Variants in GRID2 observed in about 807,000 individuals in gnomAD.
GRID2 encodes glutamate receptor ionotropic, delta-2.
A neutral mutation model predicts 114.8 loss-of-function variants in GRID2; 33 were observed. The ratio of observed to expected loss-of-function variants is 0.29; its 90% confidence interval spans 0.22 to 0.38. The LOEUF (loss-of-function observed/expected upper bound fraction) is 0.38, where lower values mean the gene tolerates loss of function less well. Ranked by LOEUF, GRID2 falls within the 10% of genes least tolerant of loss-of-function variation. The pLI, the probability that GRID2 is intolerant of heterozygous loss-of-function variation, is 1.00. For synonymous variants in GRID2, 505 were observed against 449.9 expected, an observed-to-expected ratio of 1.12 and a Z score of -1.55; for missense variants, 1,184 against 1,257.7, an observed-to-expected ratio of 0.94 and a Z score of 0.89.
intron 4 of GRID2, among the ~76,000 whole-genome samples, chr4:93,195,135 C>A (rs1218508432): frequency 6.6e-6 from 1 of 152,104 alleles, no homozygotes; most frequent in Non-Finnish European, 1.5e-5. Flanking sequence ...AACTATAGGA[C>A]TACTCCCCTC....
At chr4:93,097,847 T>C (rs1731356425) in intron 3 of GRID2, among the ~76,000 whole-genome samples, 1 of 151,894 alleles carries the variant, frequency 6.6e-6, no homozygotes, top group African/African-American at 2.4e-5. Flanking sequence ...AAATGAGCCA[T>C]TTTCTGGAAT....
At chr4:93,111,432 G>A (rs947062987) in intron 4 of GRID2, among the ~76,000 whole-genome samples, 1 of 152,144 alleles carries the variant, frequency 6.6e-6, no homozygotes. Flanking sequence ...AAATAATTAA[G>A]TGTCTGAAAC....
intron 1 of GRID2, among the ~76,000 whole-genome samples, chr4:92,538,259 A>G (rs978051033): frequency 1.3e-5 from 2 of 152,192 alleles, no homozygotes; most frequent in Non-Finnish European, 2.9e-5. Flanking sequence ...AACCCTAACA[A>G]TTGTTCTCAT....
intron 2 of GRID2, among the ~76,000 whole-genome samples, chr4:92,675,587 G>A (rs1213679393): frequency 6.9e-6 from 1 of 145,932 alleles, no homozygotes; most frequent in South Asian, 2.2e-4. Flanking sequence ...GTCCTGCTCT[G>A]TCACCCAGGC....
chr4:93,216,444 C>T (rs776357919), intron 5 of GRID2, among the ~76,000 whole-genome samples: 2 of 152,038 alleles, frequency 1.3e-5, no homozygotes, highest in Non-Finnish European at 2.9e-5. Context: ...TATGTTTCTA[C>T]AATGTTCAAC....
intron 8 of GRID2, among the ~76,000 whole-genome samples, chr4:93,307,451 G>A (rs528111443): frequency 6.6e-6 from 1 of 151,638 alleles, no homozygotes; most frequent in East Asian, 1.9e-4. Context: ...ATGTATAGTA[G>A]CTCACAGCTC....
intron 1 of GRID2, among the ~76,000 whole-genome samples, chr4:92,533,182 G>T (rs912612286): frequency 1.8e-4 from 26 of 145,252 alleles, no homozygotes; most frequent in Middle Eastern, 3.7e-3. Context: ...CAACTTTGGT[G>T]TGTTTTTTTG....
intron 1 of GRID2, among the ~76,000 whole-genome samples, chr4:92,538,023 A>T (rs1725739361): frequency 6.6e-6 from 1 of 152,132 alleles, no homozygotes; most frequent in Admixed American, 6.5e-5. Context: ...AGAAGTAGTC[A>T]TTATGATTCT....
At chr4:93,595,599 A>G (rs1739000244) in intron 13 of GRID2, among the ~76,000 whole-genome samples, 1 of 152,154 alleles carries the variant, frequency 6.6e-6, no homozygotes, top group African/African-American at 2.4e-5. Context: ...TTGTGTTATA[A>G]TTTCTCTACC....
intron 2 of GRID2, among the ~76,000 whole-genome samples, chr4:92,829,174 C>A (rs1741931694): frequency 6.6e-6 from 1 of 152,130 alleles, no homozygotes; most frequent in Admixed American, 6.6e-5. Flanking sequence ...TTTAATCGAT[C>A]TTGAGTTAAT....
chr4:92,780,324 GTAAT>G (rs1446622683), intron 2 of GRID2, among the ~76,000 whole-genome samples: 1 of 152,002 alleles, frequency 6.6e-6, no homozygotes, highest in African/African-American at 2.4e-5. Context: ...ATGTATTTTA[GTAAT>G]TAATTCAACA....
chr4:93,253,681 C>T (rs1312461426), intron 8 of GRID2, among the ~76,000 whole-genome samples: 2 of 152,022 alleles, frequency 1.3e-5, no homozygotes, highest in Admixed American at 1.3e-4. Context: ...TCTGTAGTTT[C>T]CGTAAGAGCA....
intron 2 of GRID2, among the ~76,000 whole-genome samples, chr4:92,923,595 C>G (rs1031202890): frequency 6.6e-6 from 1 of 151,912 alleles, no homozygotes; most frequent in Non-Finnish European, 1.5e-5. Context: ...TTATAAAAGC[C>G]AACCAAAAAT....
chr4:93,726,746 A>G (rs891527343), intron 14 of GRID2, among the ~76,000 whole-genome samples: 1 of 152,126 alleles, frequency 6.6e-6, no homozygotes, highest in African/African-American at 2.4e-5. Context: ...TCTTTGAAGC[A>G]ATTGTGAATG....
chr4:93,080,035 A>G (rs1432666595), intron 2 of GRID2, among the ~76,000 whole-genome samples: 1 of 152,132 alleles, frequency 6.6e-6, no homozygotes, highest in Admixed American at 6.5e-5. Flanking sequence ...GTTCCAGATG[A>G]TTTTATTTCT....
At chr4:93,248,412 C>T (rs1460789727) in intron 8 of GRID2, among the ~76,000 whole-genome samples, 1 of 152,068 alleles carries the variant, frequency 6.6e-6, no homozygotes, top group African/African-American at 2.4e-5. Flanking sequence ...AAGAGTAAGC[C>T]ATTCACCCAT....
chr4:92,369,055 A>G (rs1432685407), intron 1 of GRID2, among the ~76,000 whole-genome samples: 1 of 152,086 alleles, frequency 6.6e-6, no homozygotes, highest in East Asian at 1.9e-4. Flanking sequence ...TAATCGCCCT[A>G]AAAATTTGAT....
At chr4:93,129,522 A>G (rs1421624430) in intron 4 of GRID2, among the ~76,000 whole-genome samples, 3 of 152,038 alleles carry the variant, frequency 2.0e-5, no homozygotes, top group African/African-American at 7.2e-5. Context: ...GACTAGTGCT[A>G]CTAGGGGAAA....
At chr4:92,659,011 A>G (rs1007850688) in intron 2 of GRID2, among the ~76,000 whole-genome samples, 2 of 140,872 alleles carry the variant, frequency 1.4e-5, no homozygotes, top group African/African-American at 5.1e-5. Flanking sequence ...CTGTAGTGTT[A>G]TTTTCTACAC....
Sources: gnomAD v4.1 joint callset for allele counts (sites outside exome capture counted in the v4.1 genomes callset) on GRCh38, gnomAD v4.1.1 for gene constraint, MANE v1.5 for transcripts, NCBI Gene and HGNC (gene_info 2026-07-23, HGNC 2026-07-21) for gene names.